The following TARS3 variants were observed in gnomAD, a reference collection of about 807,000 sequenced individuals.
The protein encoded by TARS3 is threonyl-tRNA synthetase 3, also known as threonine--tRNA ligase 2, cytoplasmic.
In TARS3, 94 loss-of-function variants were observed where a neutral mutation model predicts 103.5. That is an observed-to-expected ratio of 0.91 (90% CI 0.77 to 1.08). The LOEUF is 1.08. TARS3 is among the 50% of genes least tolerant of loss of function. The probability of loss-of-function intolerance (pLI) is 0.00; values close to 1 mark genes in which losing one functional copy is unlikely to be tolerated. For synonymous variants in TARS3, 416 were observed against 355.4 expected (o/e 1.17, Z -1.92); for missense variants, 952 against 995.2 (o/e 0.96, Z 0.58).
chr15:101,684,428 A>G (rs1898382441), intron 11 of TARS3, among the ~76,000 whole-genome samples, 191 bp from the exon 12 acceptor site: 1 of 152,202 alleles, frequency 6.6e-6, no homozygotes, highest in South Asian at 2.1e-4. Context: ...CAGCACTCTG[A>G]GAAAGATGCT....
chr15:101,722,976 G>C, intron 2 of TARS3, 117 bp downstream of exon 2: 1 of 983,154 alleles, frequency 1.0e-6, no homozygotes, highest in African/African-American at 1.6e-5. Flanking sequence ...ATACACTAAT[G>C]TGACCCAAAT....
chr15:101,692,199 G>A (rs1179031749), intron 10 of TARS3, among the ~76,000 whole-genome samples: 1 of 152,202 alleles, frequency 6.6e-6, no homozygotes, highest in Non-Finnish European at 1.5e-5. Flanking sequence ...GGTTCTCCCT[G>A]CTGTGGGTTT....
Position 101,654,320 on chromosome 15 carries a change from G to T in TARS3, c.*262C>A. On this transcript the variant is annotated 3_prime_UTR_variant, in exon 19 of 19. Transcript: ENST00000335968. ...TCCTAGTGTTTTGTTTCACTTTCTCGATGAATAATATTTCCCCATTTAAGT... is the reference window on the plus strand; with the variant it reads ...TCCTAGTGTTTTGTTTCACTTTCTCTATGAATAATATTTCCCCATTTAAGT... The T allele has an allele frequency of 2.9e-6, 1 of 349,618 alleles. No homozygotes were observed. Among genetic ancestry groups the T allele is most frequent in the Non-Finnish European group, 5.1e-6 (1 of 197,508 alleles). The allele number at this position is 349,618 out of a possible 1,614,324, so 21.7% of individuals were successfully genotyped here.
intron 10 of TARS3, among the ~76,000 whole-genome samples, chr15:101,690,375 G>GA (rs1394146200): frequency 2.0e-5 from 3 of 151,958 alleles, no homozygotes; most frequent in Non-Finnish European, 4.4e-5. Flanking sequence ...GTTTCATGTG[G>GA]AAAAAAATAA....
intron 10 of TARS3, among the ~76,000 whole-genome samples, chr15:101,698,103 G>A (rs1283942765): frequency 3.9e-5 from 6 of 152,188 alleles, no homozygotes. Context: ...TTGGGAGGCT[G>A]AGGCAGGCGG....
chr15:101,657,150 A>G (rs992644864), intron 17 of TARS3, 114 bp from the exon 18 acceptor site: 3 of 656,662 alleles, frequency 4.6e-6, no homozygotes, highest in East Asian at 2.8e-5. Flanking sequence ...TGCTCACTAT[A>G]CCAGAGCGGG....
Position 101,660,800 on chromosome 15 carries a change from T to G in TARS3, c.2072+912A>C, listed in dbSNP as rs538545326. 2.2e-3 allele frequency among the ~76,000 whole-genome samples: 337 copies of G among 152,284 alleles called. 1 individual carries two copies. The highest frequency in any genetic ancestry group is 3.4e-3 in the Non-Finnish European group (233 of 68,020). ...CATGCCTATCCACCAGTGGCCACTT[T>G]GCCCATGAGCCATTGAGCAACAACT... On this transcript the variant is annotated intron_variant, in intron 16 of 18. Coordinates refer to ENST00000335968, the MANE Select transcript of TARS3 (RefSeq NM_152334.3).
rs1406208514 is a variant in TARS3 at position 101,712,128 on chromosome 15, A to G, written c.691-127T>C. 3.0e-6 allele frequency: 3 copies of G among 1,014,396 alleles called. No homozygotes were observed. The African/African-American group carries it at 4.9e-5, about 17-fold the overall frequency. The allele number at this position is 1,014,396 out of a possible 1,614,324, so 62.8% of individuals were successfully genotyped here. A position where few individuals can be genotyped will look rare whatever the true frequency, so the allele number is the denominator to read the frequency against. ...GGCAAGACCAAGGGCAGCAACATCA[A>G]CTTGAAAGGAAAATCTTCGATGCCC... On this transcript the variant is annotated intron_variant, in intron 4 of 18. Transcript: ENST00000335968.
chr15:101,708,916 A>C lies in TARS3; in HGVS notation c.813-6T>G. ...ATTCTGTGCTGGACACTGCTCTAAA[A>C]AGAAGAGCAGAGAACCGACATCCAT... On this transcript the variant is annotated splice_polypyrimidine_tract_variant and splice_region_variant and intron_variant, in intron 5 of 18. Coordinates refer to ENST00000335968, the MANE Select transcript of TARS3 (RefSeq NM_152334.3). 6.5e-7 allele frequency: 1 copy of C among 1,542,504 alleles called. No individual in the cohort carries two copies. Among genetic ancestry groups the C allele is most frequent in the Non-Finnish European group, 8.8e-7 (1 of 1,138,224 alleles).
intron 2 of TARS3, among the ~76,000 whole-genome samples, chr15:101,722,613 T>C (rs1203153753): frequency 8.0e-6 from 1 of 124,950 alleles, no homozygotes; most frequent in East Asian, 2.5e-4. Flanking sequence ...GAGATCCTCC[T>C]GGCTAACACG....
intron 15 of TARS3, among the ~76,000 whole-genome samples, chr15:101,669,570 C>A (rs1897717561): frequency 6.6e-6 from 1 of 152,218 alleles, no homozygotes; most frequent in Non-Finnish European, 1.5e-5. Context: ...TTCATGGTAA[C>A]TGTCCTAAAC....
chr15:101,657,512 G>A (rs1596277754), intron 17 of TARS3, among the ~76,000 whole-genome samples: 2 of 152,352 alleles, frequency 1.3e-5, no homozygotes, highest in South Asian at 2.1e-4. Context: ...TTGTGACACA[G>A]CAACAGATAA....
intron 3 of TARS3, among the ~76,000 whole-genome samples, chr15:101,718,517 G>A (rs1219164327): frequency 6.6e-6 from 1 of 152,164 alleles, no homozygotes; most frequent in Non-Finnish European, 1.5e-5. Flanking sequence ...TCAGAAACGT[G>A]GAGCTATGCA....
intron 15 of TARS3, among the ~76,000 whole-genome samples, chr15:101,663,925 T>A (rs1164159652): frequency 6.6e-6 from 1 of 152,200 alleles, no homozygotes; most frequent in African/African-American, 2.4e-5. Flanking sequence ...GGAATGAATG[T>A]TAACTTTTAT....
chr15:101,705,631 T>A (rs1053300584), intron 7 of TARS3, 52 bp downstream of exon 7: 2 of 1,527,760 alleles, frequency 1.3e-6, no homozygotes, highest in Admixed American at 3.6e-5. Context: ...CCTCTACTGC[T>A]AACACCTTCA....
At chr15:101,681,790 T>C (rs1447804296) in intron 12 of TARS3, among the ~76,000 whole-genome samples, 1 of 152,194 alleles carries the variant, frequency 6.6e-6, no homozygotes, top group Non-Finnish European at 1.5e-5. Flanking sequence ...AAAGCCCCAT[T>C]TCCAAACACC....
At chr15:101,685,615 A>C (rs1421131194) in intron 11 of TARS3, among the ~76,000 whole-genome samples, 1 of 151,180 alleles carries the variant, frequency 6.6e-6, no homozygotes, top group Non-Finnish European at 1.5e-5. Context: ...TACTATAAGA[A>C]AGACAAATAT....
At chr15:101,657,717 C>T in intron 17 of TARS3, 68 bp downstream of exon 17, 1 of 1,087,538 alleles carries the variant, frequency 9.2e-7, no homozygotes, top group Non-Finnish European at 1.3e-6. Context: ...ATGAAGGACA[C>T]TCCAAATCGA....
chr15:101,680,797 T>G (rs1482431965), intron 12 of TARS3, among the ~76,000 whole-genome samples: 1 of 152,236 alleles, frequency 6.6e-6, no homozygotes, highest in Non-Finnish European at 1.5e-5. Context: ...GCAGAAGTTT[T>G]AAATTTTGAG....
Sources: allele counts gnomAD v4.1 joint callset (sites outside exome capture counted in the v4.1 genomes callset), GRCh38; gene constraint gnomAD v4.1.1; transcripts MANE v1.5; gene names NCBI Gene and HGNC (gene_info 2026-07-23, HGNC 2026-07-21).